CHCHD6: variants seen among roughly 807,000 people sequenced by gnomAD.
The protein encoded by CHCHD6 is MICOS complex subunit MIC25.
CHCHD6 carries 28 observed loss-of-function variants against 32.3 expected under a neutral mutation model. The ratio of observed to expected loss-of-function variants is 0.87; its 90% CI spans 0.64 to 1.19. The LOEUF is 1.19. Ranked by LOEUF, CHCHD6 falls within the 50% of genes most tolerant of loss-of-function variation. CHCHD6 has a pLI of 0.00. For missense variants in CHCHD6, 333 were observed against 307.0 expected (o/e 1.08, Z -0.63); for synonymous variants, 122 against 117.5 (o/e 1.04, Z -0.25).
intron 5 of CHCHD6, among the ~76,000 whole-genome samples, chr3:126,892,653 A>AC (rs1005987232): frequency 6.6e-5 from 10 of 150,668 alleles, no homozygotes; most frequent in South Asian, 4.3e-4. Flanking sequence ...CTCTGCATAA[A>AC]CCCCCCCTTC....
At chr3:126,843,032 T>A (rs1941162433) in intron 4 of CHCHD6, among the ~76,000 whole-genome samples, 1 of 152,088 alleles carries the variant, frequency 6.6e-6, no homozygotes, top group South Asian at 2.1e-4. Context: ...ATTACACCAA[T>A]AAGCATGATA....
chr3:126,908,390 G>A (rs1406846082), intron 5 of CHCHD6, among the ~76,000 whole-genome samples: 3 of 152,200 alleles, frequency 2.0e-5, no homozygotes, highest in Non-Finnish European at 2.9e-5. Context: ...CTTAAGCAGG[G>A]CCTGGCACAG....
At chr3:126,880,978 G>T (rs2077600844) in intron 5 of CHCHD6, among the ~76,000 whole-genome samples, 1 of 152,202 alleles carries the variant, frequency 6.6e-6, no homozygotes, top group African/African-American at 2.4e-5. Flanking sequence ...AGAGCAAATG[G>T]ACAACAGCAA....
At chr3:126,890,178 C>T (rs1229707544) in intron 5 of CHCHD6, among the ~76,000 whole-genome samples, 2 of 152,244 alleles carry the variant, frequency 1.3e-5, no homozygotes, top group Non-Finnish European at 2.9e-5. Context: ...TGAGAGGAGT[C>T]TTGCTGGTGG....
intron 1 of CHCHD6, among the ~76,000 whole-genome samples, chr3:126,704,974 T>C (rs1319161951): frequency 1.3e-5 from 2 of 152,126 alleles, no homozygotes; most frequent in African/African-American, 4.8e-5. Flanking sequence ...GGGGACTGCA[T>C]CCCTCTGGGA....
Position 126,826,017 on chromosome 3 carries a change from C to T in CHCHD6, c.412-26630C>T, listed in dbSNP as rs560778893. On this transcript the variant is annotated intron_variant, in intron 4 of 7. Coordinates refer to ENST00000290913, the MANE Select transcript of CHCHD6 (RefSeq NM_032343.3). ...TATCATCCCACAGGATGTCTCCTTT[C>T]ATAATTCTAGATTTTGGTAGACCTG... Among the ~76,000 whole-genome samples, 19 of 152,314 alleles carry T rather than the reference C, an allele frequency of 1.2e-4. No individual in the cohort carries two copies. In the South Asian group the frequency reaches 1.5e-3, roughly 12 times the overall value.
chr3:126,878,526 T>C (rs1257472639), intron 5 of CHCHD6, among the ~76,000 whole-genome samples: 3 of 152,214 alleles, frequency 2.0e-5, no homozygotes, highest in Non-Finnish European at 4.4e-5. Flanking sequence ...TTAGAACACA[T>C]TGAATGTTTA....
Position 126,957,506 on chromosome 3 carries a change from G to T in CHCHD6, c.657G>T (p.Ser219=). The change falls in exon 7 of 8, where the codon TCG becomes TCT. Residue 219 remains serine (S), a synonymous_variant. Coordinates refer to ENST00000290913, the MANE Select transcript of CHCHD6 (RefSeq NM_032343.3). ...GCCCGCATGAGGTGCTGCTGTGCTC[G>T]GACCTGGTCAAGGCATACCAGCGCT... ...RDRPHEVLLC[S]DLVKAYQRCV... is the part of the protein sequence containing the mutation. 1 of 1,593,626 alleles carries T rather than the reference G, an allele frequency of 6.3e-7. No individual in the cohort carries two copies. The highest frequency in any genetic ancestry group is 2.3e-5 in the East Asian group (1 of 43,492).
intron 3 of CHCHD6, among the ~76,000 whole-genome samples, chr3:126,732,066 G>A (rs1297521119): frequency 7.9e-6 from 1 of 127,040 alleles, no homozygotes; most frequent in Non-Finnish European, 1.6e-5. Flanking sequence ...ACCACATTGT[G>A]AGACCCAAAA....
chr3:126,791,477 C>T (rs1358807063), intron 4 of CHCHD6, among the ~76,000 whole-genome samples: 2 of 152,244 alleles, frequency 1.3e-5, no homozygotes, highest in African/African-American at 2.4e-5. Context: ...CCACCCAGTT[C>T]GACCTTCCTG....
At chr3:126,796,189 A>G (rs887353075) in intron 4 of CHCHD6, among the ~76,000 whole-genome samples, 1 of 152,160 alleles carries the variant, frequency 6.6e-6, no homozygotes, top group African/African-American at 2.4e-5. Flanking sequence ...CTATAAAAAC[A>G]TAAAAACAAA....
intron 2 of CHCHD6, 42 bp downstream of exon 2, chr3:126,727,228 T>C (rs1935575982): frequency 7.0e-7 from 1 of 1,426,438 alleles, no homozygotes; most frequent in Non-Finnish European, 9.9e-7. Context: ...GGAGAGACAG[T>C]GAAAGGAGTG....
chr3:126,722,519 T>C (rs1197805242), intron 1 of CHCHD6, among the ~76,000 whole-genome samples: 1 of 152,200 alleles, frequency 6.6e-6, no homozygotes, highest in Non-Finnish European at 1.5e-5. Context: ...TGGTACCTTA[T>C]TGTGGTTTAA....
chr3:126,891,297 TGAG>T (rs1161356546), intron 5 of CHCHD6, among the ~76,000 whole-genome samples: 1 of 152,100 alleles, frequency 6.6e-6, no homozygotes, highest in Non-Finnish European at 1.5e-5. Context: ...TGGAAGCGAC[TGAG>T]GAGTAGATCT....
chr3:126,761,929 G>A (rs1161664447), intron 4 of CHCHD6, among the ~76,000 whole-genome samples: 1 of 152,142 alleles, frequency 6.6e-6, no homozygotes, highest in African/African-American at 2.4e-5. Flanking sequence ...TATCCAATTT[G>A]TTGGCATATA....
In CHCHD6 at chr3:126,730,621, G is replaced by A. The variant is rs1267031608; in HGVS notation, c.257G>A (p.Gly86Asp). 6.2e-7 allele frequency: 1 copy of A among 1,613,738 alleles called. No individual in the cohort carries two copies. Residue 86 changes from glycine to aspartate, a missense_variant, in exon 3 of 8, where the codon GGT becomes GAT. Transcript: ENST00000290913. ...GGQQPSGMKE[G>D]VKRYEQEHAA... ...CAGCAGCCCTCAGGGATGAAGGAGG[G>A]TGTCAAGAGGTGAGCCCGAGAGCCT... is the stretch of plus-strand genomic sequence containing the variant.
At chr3:126,812,117 T>A (rs1939680896) in intron 4 of CHCHD6, among the ~76,000 whole-genome samples, 1 of 151,398 alleles carries the variant, frequency 6.6e-6, no homozygotes, top group Admixed American at 6.6e-5. Context: ...TTTTTTTTTT[T>A]AAGTGAAAAA....
At chr3:126,805,588 G>A (rs1342845182) in intron 4 of CHCHD6, among the ~76,000 whole-genome samples, 1 of 152,138 alleles carries the variant, frequency 6.6e-6, no homozygotes, top group East Asian at 1.9e-4. Flanking sequence ...CATGCTCATG[G>A]ATAGGAAGAA....
At chr3:126,829,787 C>A (rs1393394191) in intron 4 of CHCHD6, among the ~76,000 whole-genome samples, 3 of 152,136 alleles carry the variant, frequency 2.0e-5, no homozygotes, top group African/African-American at 7.2e-5. Context: ...TTTCACACCT[C>A]CAGAATTGTG....
Sources: allele counts gnomAD v4.1 joint callset (sites outside exome capture counted in the v4.1 genomes callset), GRCh38; gene constraint gnomAD v4.1.1; transcripts MANE v1.5; gene names NCBI Gene and HGNC (gene_info 2026-07-23, HGNC 2026-07-21).